Variants in RAB10 observed in about 807,000 individuals in gnomAD.
The protein encoded by RAB10 is ras-related protein Rab-10.
A neutral mutation model predicts 25.7 loss-of-function variants in RAB10; 5 were observed. The observed-to-expected ratio is 0.19, with a 90% CI of 0.10 to 0.41. The LOEUF (loss-of-function observed/expected upper bound fraction) is 0.41. RAB10 is among the 10% of genes least tolerant of loss of function. RAB10 has a pLI of 1.00. For synonymous variants in RAB10, 89 were observed against 86.4 expected, an observed-to-expected ratio of 1.03 and a Z score of -0.16; for missense variants, 103 against 245.8, an observed-to-expected ratio of 0.42 and a Z score of 3.89.
rs565069952 is a variant in RAB10, at chr2:26,137,366, G to T, written c.*2345G>T. 3 of 152,518 alleles carry T rather than the reference G, an allele frequency of 2.0e-5. No individual in the cohort carries two copies. The highest frequency in any genetic ancestry group is 2.9e-5 in the Non-Finnish European group (2 of 68,018). 9.4% of individuals were successfully genotyped at this position (152,518 alleles called of 1,614,324 possible). A position where few individuals can be genotyped will look rare whatever the true frequency, so the allele number is the denominator to read the frequency against. On this transcript the variant is annotated 3_prime_UTR_variant, in exon 6 of 6. Coordinates refer to ENST00000264710, the MANE Select transcript of RAB10 (RefSeq NM_016131.5). ...ATTCTCTGGTACTAGCTACAAATTC[G>T]GTTTCATATTCTACTTAACAATTTA...
At chr2:26,092,107 G>A (rs1667118650) in intron 1 of RAB10, among the ~76,000 whole-genome samples, 1 of 151,848 alleles carries the variant, frequency 6.6e-6, no homozygotes, top group Non-Finnish European at 1.5e-5. Flanking sequence ...GGAAGGCAGA[G>A]GTTGCAGTGA....
intron 1 of RAB10, among the ~76,000 whole-genome samples, chr2:26,092,551 G>A (rs1352452871): frequency 1.3e-5 from 2 of 151,994 alleles, no homozygotes; most frequent in Non-Finnish European, 2.9e-5. Context: ...GAAATGTGAG[G>A]GAAACTCAAG....
At chr2:26,068,008 C>G (rs539931350) in intron 1 of RAB10, among the ~76,000 whole-genome samples, 14 of 152,040 alleles carry the variant, frequency 9.2e-5, no homozygotes, top group Non-Finnish European at 1.8e-4. Context: ...GAGTAGTTCT[C>G]TAGTTAGTAA....
At chr2:26,102,912 A>T (rs1667372139) in intron 2 of RAB10, among the ~76,000 whole-genome samples, 1 of 152,216 alleles carries the variant, frequency 6.6e-6, no homozygotes, top group South Asian at 2.1e-4. Flanking sequence ...AATACCATAG[A>T]GCATCTGTCT....
At chr2:26,069,644 C>A (rs993443976) in intron 1 of RAB10, among the ~76,000 whole-genome samples, 2 of 151,502 alleles carry the variant, frequency 1.3e-5, no homozygotes, top group African/African-American at 4.8e-5. Context: ...CCAGTCTGGG[C>A]GGCAGAGCGA....
At chr2:26,108,299 C>T (rs750658030) in intron 2 of RAB10, among the ~76,000 whole-genome samples, 1 of 152,010 alleles carries the variant, frequency 6.6e-6, no homozygotes, top group Non-Finnish European at 1.5e-5. Flanking sequence ...ACAGACATAC[C>T]ATAGAATGCT....
chr2:26,118,701 A>C (rs34792425), intron 3 of RAB10, among the ~76,000 whole-genome samples: 7,749 of 152,258 alleles, frequency 0.051, 239 homozygotes, highest in Non-Finnish European at 0.07. Flanking sequence ...GGGTACAAGA[A>C]GAATGCTAAC....
chr2:26,094,872 T>G (rs1432839020), intron 1 of RAB10, among the ~76,000 whole-genome samples: 1 of 152,234 alleles, frequency 6.6e-6, no homozygotes. Context: ...CTTAGTAATT[T>G]TAATCATGTT....
chr2:26,090,940 CA>C (rs34929018), intron 1 of RAB10, among the ~76,000 whole-genome samples: 1,493 of 142,874 alleles, frequency 0.01, 20 homozygotes, highest in African/African-American at 0.024. Context: ...TCTCCCCCCC[CA>C]AAAAAAAAAA....
chr2:26,113,402 C>T (rs751951833), intron 3 of RAB10, among the ~76,000 whole-genome samples: 13 of 152,022 alleles, frequency 8.6e-5, no homozygotes, highest in East Asian at 1.9e-4. Context: ...GGTGAAACCT[C>T]GTCTCTACTA....
chr2:26,093,265 TC>T (rs1454768696), intron 1 of RAB10, among the ~76,000 whole-genome samples: 1 of 152,184 alleles, frequency 6.6e-6, no homozygotes, highest in African/African-American at 2.4e-5. Context: ...TCTTTTTTCT[TC>T]CGTGGATCCC....
chr2:26,081,923 T>G (rs941836171), intron 1 of RAB10, among the ~76,000 whole-genome samples: 2 of 152,150 alleles, frequency 1.3e-5, no homozygotes, highest in Non-Finnish European at 2.9e-5. Context: ...ATTTTTTACC[T>G]GTGCTTTTAA....
In RAB10 at chr2:26,124,389, C is replaced by CTTTT. The variant is rs10669615; in HGVS notation, c.328-2730_328-2727dup. Among the ~76,000 whole-genome samples, 83 of 19,668 alleles carry CTTTT rather than the reference C, an allele frequency of 4.2e-3. 23 individuals are homozygous for CTTTT. Among genetic ancestry groups the CTTTT allele is most frequent in the African/African-American group, 0.013 (64 of 5,012 alleles). 12.9% of individuals were successfully genotyped at this position (19,668 alleles called of 152,430 possible). On this transcript the variant is annotated intron_variant, in intron 3 of 5. Coordinates refer to ENST00000264710, the MANE Select transcript of RAB10 (RefSeq NM_016131.5). ...GTTGTTTTTCTTATTGTTGTTGTTG[C>CTTTT]TTTTTTTTTTTTTTTTTTTTTTTTT... is the stretch of plus-strand genomic sequence containing the variant.
chr2:26,087,491 C>T (rs549827596), intron 1 of RAB10, among the ~76,000 whole-genome samples: 1 of 152,300 alleles, frequency 6.6e-6, no homozygotes, highest in South Asian at 2.1e-4. Context: ...CAACCTCTGC[C>T]TTCTGGGTTC....
intron 1 of RAB10, among the ~76,000 whole-genome samples, chr2:26,054,377 A>G (rs1666205803): frequency 6.6e-6 from 1 of 151,890 alleles, no homozygotes; most frequent in South Asian, 2.1e-4. Flanking sequence ...TTTAGTAGAG[A>G]CGGGGTTTCA....
chr2:26,130,985 ACTTT>A (rs1246332880), intron 5 of RAB10, among the ~76,000 whole-genome samples: 1 of 148,306 alleles, frequency 6.7e-6, no homozygotes, highest in Non-Finnish European at 1.5e-5. Context: ...GTTTCTGCTT[ACTTT>A]CTGTCTATAC....
Position 26,034,302 on chromosome 2 carries a change from G to C in RAB10, c.-307G>C. The C allele has an allele frequency of 1.8e-6, 1 of 547,700 alleles. No homozygotes were observed. The allele number at this position is 547,700 out of a possible 1,614,324, so 33.9% of individuals were successfully genotyped here. ...CGGCAGAGCAGGCTTGCTCGCCCGT[G>C]GGAGCGTCCCGGCCGAGAAGCCCTG... On this transcript the variant is annotated 5_prime_UTR_variant, in exon 1 of 6. Transcript: ENST00000264710.
intron 1 of RAB10, among the ~76,000 whole-genome samples, chr2:26,044,615 G>C (rs1463441017): frequency 1.3e-5 from 2 of 150,174 alleles, no homozygotes; most frequent in Admixed American, 6.7e-5. Context: ...GCGTCATCTT[G>C]GCACACTGCA....
chr2:26,069,701 A>G (rs1312501138), intron 1 of RAB10, among the ~76,000 whole-genome samples: 2 of 151,008 alleles, frequency 1.3e-5, no homozygotes, highest in Non-Finnish European at 3.0e-5. Flanking sequence ...AGGAAAAACA[A>G]CTACTCAGAT....
Sources: allele counts gnomAD v4.1 joint callset (sites outside exome capture counted in the v4.1 genomes callset), GRCh38; gene constraint gnomAD v4.1.1; transcripts MANE v1.5; gene names NCBI Gene and HGNC (gene_info 2026-07-23, HGNC 2026-07-21).